The following DYRK1A variants were observed in gnomAD, a reference collection of about 807,000 sequenced individuals.
DYRK1A encodes the protein dual specificity tyrosine-phosphorylation-regulated kinase 1A.
Under a neutral mutation model 79.7 loss-of-function variants are expected in DYRK1A, and 9 were observed. The observed-to-expected ratio is 0.11, with a 90% CI of 0.07 to 0.20. The LOEUF is 0.20. Ranked by LOEUF, DYRK1A falls within the 10% of genes least tolerant of loss-of-function variation. The probability of loss-of-function intolerance (pLI) is 1.00; values close to 1 mark genes in which losing one functional copy is unlikely to be tolerated. For synonymous variants in DYRK1A, 349 were observed against 329.7 expected (o/e 1.06, Z -0.63); for missense variants, 622 against 956.0 (o/e 0.65, Z 4.61).
At chr21:37,417,490 T>A (rs920614304) in intron 1 of DYRK1A, among the ~76,000 whole-genome samples, 2 of 150,098 alleles carry the variant, frequency 1.3e-5, no homozygotes, top group African/African-American at 4.9e-5. Context: ...CTCCCGGCCT[T>A]GTATTTTTTA....
At chr21:37,383,160 G>A (rs1022814252) in intron 1 of DYRK1A, among the ~76,000 whole-genome samples, 4 of 152,322 alleles carry the variant, frequency 2.6e-5, no homozygotes, top group East Asian at 3.9e-4. Flanking sequence ...AGAGGCAGGC[G>A]GTATGTAGAA....
chr21:37,434,895 G>A (rs999929168), intron 2 of DYRK1A, among the ~76,000 whole-genome samples: 2 of 152,156 alleles, frequency 1.3e-5, no homozygotes, highest in Non-Finnish European at 2.9e-5. Context: ...CTATTTTAAT[G>A]TATAGAAAGA....
chr21:37,494,496 G>A (rs2053199025), intron 8 of DYRK1A, among the ~76,000 whole-genome samples: 1 of 151,014 alleles, frequency 6.6e-6, no homozygotes, highest in Non-Finnish European at 1.5e-5. Context: ...CTTCCTTCCT[G>A]TGCCTAAAAT....
chr21:37,421,394 TATTTTGTATGA>T (rs2050471400), intron 2 of DYRK1A, among the ~76,000 whole-genome samples: 1 of 152,140 alleles, frequency 6.6e-6, no homozygotes, highest in Non-Finnish European at 1.5e-5. Context: ...TTCGGTGTAC[TATTTTGTATGA>T]AGAAATGTGC....
Position 37,506,238 on chromosome 21 carries a change from G to C in DYRK1A, c.1644+15G>C. On this transcript the variant is annotated intron_variant, in intron 11 of 11. Transcript: ENST00000647188. Reference sequence around the variant, plus strand: ...ACAGTCCCCAGGTGAGCTCGCACGTGGTTCATTTGCTTGTGTCACCTGCCA... The same window carrying C: ...ACAGTCCCCAGGTGAGCTCGCACGTCGTTCATTTGCTTGTGTCACCTGCCA... The C allele has an allele frequency of 6.2e-7, 1 of 1,613,876 alleles. No individual in the cohort carries two copies. Among genetic ancestry groups the C allele is most frequent in the South Asian group, 1.1e-5 (1 of 91,008 alleles).
At chr21:37,385,779 A>G (rs867877878) in intron 1 of DYRK1A, among the ~76,000 whole-genome samples, 1 of 152,194 alleles carries the variant, frequency 6.6e-6, no homozygotes, top group African/African-American at 2.4e-5. Context: ...TTACCATACC[A>G]TGTTCTTCTA....
chr21:37,483,681 C>G (rs1395813330), intron 5 of DYRK1A, among the ~76,000 whole-genome samples: 1 of 152,114 alleles, frequency 6.6e-6, no homozygotes, highest in Non-Finnish European at 1.5e-5. Flanking sequence ...CTCCTGGGTT[C>G]AAGTGATCCT....
At chr21:37,454,757 T>C (rs1343096229) in intron 2 of DYRK1A, among the ~76,000 whole-genome samples, 1 of 152,136 alleles carries the variant, frequency 6.6e-6, no homozygotes, top group Non-Finnish European at 1.5e-5. Flanking sequence ...TAAAACAACT[T>C]AGAAGTTAAG....
intron 5 of DYRK1A, among the ~76,000 whole-genome samples, chr21:37,482,172 C>G (rs1451020820): frequency 1.3e-5 from 2 of 152,102 alleles, no homozygotes; most frequent in Admixed American, 1.3e-4. Flanking sequence ...ATACATGCTC[C>G]TTTTTAACCT....
chr21:37,483,585 T>A (rs932013381), intron 5 of DYRK1A, among the ~76,000 whole-genome samples: 1 of 152,048 alleles, frequency 6.6e-6, no homozygotes, highest in Non-Finnish European at 1.5e-5. Context: ...TTGTTTTGTT[T>A]TGTTTTGTTT....
intron 5 of DYRK1A, among the ~76,000 whole-genome samples, chr21:37,485,832 T>G (rs2052843062): frequency 6.6e-6 from 1 of 152,210 alleles, no homozygotes; most frequent in Non-Finnish European, 1.5e-5. Flanking sequence ...ACGCTGTGCT[T>G]TCCTTAGCAG....
intron 2 of DYRK1A, among the ~76,000 whole-genome samples, chr21:37,423,309 CCCT>C (rs1200088689): frequency 6.6e-6 from 1 of 152,084 alleles, no homozygotes; most frequent in African/African-American, 2.4e-5. Flanking sequence ...CCCGCATATT[CCCT>C]CCTCCTCCCC....
intron 1 of DYRK1A, among the ~76,000 whole-genome samples, chr21:37,392,859 C>T (rs953652009): frequency 4.6e-5 from 7 of 152,246 alleles, no homozygotes; most frequent in Non-Finnish European, 1.0e-4. Flanking sequence ...CGTGAGGATC[C>T]AGTCTTTCTG....
At chr21:37,498,569 A>G (rs1018239440) in intron 9 of DYRK1A, among the ~76,000 whole-genome samples, 2 of 152,234 alleles carry the variant, frequency 1.3e-5, no homozygotes, top group Non-Finnish European at 2.9e-5. Context: ...CATTGAATGA[A>G]CATGCCATAA....
intron 2 of DYRK1A, among the ~76,000 whole-genome samples, chr21:37,468,043 C>T (rs1479111638): frequency 6.6e-6 from 1 of 152,156 alleles, no homozygotes; most frequent in African/African-American, 2.4e-5. Context: ...TTCAACATCC[C>T]AACATGGATT....
upstream of DYRK1A, chr21:37,366,307 G>C (rs1602333853): frequency 6.9e-6 from 1 of 145,710 alleles, no homozygotes; most frequent in African/African-American, 2.5e-5. Context: ...CCCGGCGCGG[G>C]CGGGGCTGCG....
rs1430562819 is a variant in DYRK1A, at chr21:37,519,903, G to C, written c.*7372G>C. 2 of 151,984 alleles carry C rather than the reference G, an allele frequency of 1.3e-5. No homozygotes were observed. Among genetic ancestry groups the C allele is most frequent in the South Asian group, 4.2e-4 (2 of 4,814 alleles). The allele number at this position is 151,984 out of a possible 1,614,324, so 9.4% of individuals were successfully genotyped here. ...ACTACTGGCGCCCGCCACCACGCCC[G>C]GCTAATTTTTTTTGTGTATTTTTAG... On this transcript the variant is annotated 3_prime_UTR_variant, in exon 12 of 12. Transcript: ENST00000647188.
chr21:37,497,590 C>G (rs934335595), intron 9 of DYRK1A, among the ~76,000 whole-genome samples: 4 of 152,166 alleles, frequency 2.6e-5, no homozygotes, highest in South Asian at 2.1e-4. Context: ...TATGTTGTCT[C>G]TCTCTGTGAT....
intron 1 of DYRK1A, among the ~76,000 whole-genome samples, chr21:37,389,217 A>G (rs891468035): frequency 6.6e-6 from 1 of 151,606 alleles, no homozygotes; most frequent in Non-Finnish European, 1.5e-5. Context: ...AAAAGTATAT[A>G]TATATATAAA....
Sources: gnomAD v4.1 joint callset for allele counts (sites outside exome capture counted in the v4.1 genomes callset) on GRCh38, gnomAD v4.1.1 for gene constraint, MANE v1.5 for transcripts, NCBI Gene and HGNC (gene_info 2026-07-23, HGNC 2026-07-21) for gene names.